The following PCDHGA6 variants were observed in gnomAD, a reference collection of about 807,000 sequenced individuals.
PCDHGA6 encodes protocadherin gamma subfamily A, 6, also known as protocadherin gamma-A6.
Under a neutral mutation model 60.6 loss-of-function variants are expected in PCDHGA6, and 41 were observed. The ratio of observed to expected loss-of-function variants is 0.68; its 90% CI spans 0.53 to 0.88. The LOEUF (loss-of-function observed/expected upper bound fraction) is 0.88. PCDHGA6 is among the 40% of genes least tolerant of loss of function. The pLI is 0.00. For synonymous variants in PCDHGA6, 594 were observed against 524.4 expected (o/e 1.13, Z -1.81); for missense variants, 1,312 against 1,203.0 (o/e 1.09, Z -1.34).
chr5:141,510,958 G>A lies in PCDHGA6; in HGVS notation c.2584G>A (p.Gly862Arg). 6.2e-7 allele frequency: 1 copy of A among 1,614,130 alleles called. No homozygotes were observed. Among genetic ancestry groups the A allele is most frequent in the Non-Finnish European group, 8.5e-7 (1 of 1,180,012 alleles). The change falls in exon 4 of 4, where the codon GGG becomes AGG. Residue 862 changes from glycine to arginine, a missense_variant. Transcript: ENST00000517434. The stretch of plus-strand genomic sequence containing the variant: ...CTCTGTCTCTGCAGAAGCTGCTGAT[G>A]GGAGCTCCACCCTGGGAGGGGGTGC... ...ILASASEAAD[G>R]SSTLGGGAGT...
At chr5:141,385,499 A>G in intron 1 of PCDHGA6, 1 of 1,381,812 alleles carries the variant, frequency 7.2e-7, no homozygotes, top group Non-Finnish European at 9.4e-7. Context: ...AGGATATAGT[A>G]TTTCTTTAGT....
chr5:141,417,634 G>A, intron 1 of PCDHGA6: 1 of 721,778 alleles, frequency 1.4e-6, no homozygotes, highest in Non-Finnish European at 2.1e-6. Context: ...GCTGACGCCG[G>A]GGATCCCTCA....
intron 1 of PCDHGA6, chr5:141,377,207 A>G (rs1170353646): frequency 6.6e-6 from 1 of 152,122 alleles, no homozygotes; most frequent in Non-Finnish European, 1.5e-5. Context: ...GATTGAGTAC[A>G]TCTCGTTTCT....
At chr5:141,406,346 G>T (rs1296474677) in intron 1 of PCDHGA6, among the ~76,000 whole-genome samples, 2 of 152,092 alleles carry the variant, frequency 1.3e-5, no homozygotes, top group Non-Finnish European at 2.9e-5. Flanking sequence ...ATTTATTCAG[G>T]TCATACTATG....
intron 1 of PCDHGA6, among the ~76,000 whole-genome samples, chr5:141,397,239 G>A (rs563338293): frequency 1.8e-4 from 27 of 152,262 alleles, no homozygotes; most frequent in Non-Finnish European, 3.4e-4. Flanking sequence ...GAAGAGCAAC[G>A]TAGTAGGGTA....
At chr5:141,410,767 G>T in intron 1 of PCDHGA6, 6 of 942,270 alleles carry the variant, frequency 6.4e-6, no homozygotes, top group South Asian at 2.2e-5. Context: ...TTCAATTATA[G>T]TTTTCACTAT....
In PCDHGA6 at chr5:141,410,593, G is replaced by C. The variant is rs921521742; in HGVS notation, c.2424+34086G>C. ...TTCCACCTCATGGTGGGGAGGATTT[G>C]ACTTCACATCCTGAGACTCTGACTT... On this transcript the variant is annotated intron_variant, in intron 1 of 3. Coordinates refer to ENST00000517434, the MANE Select transcript of PCDHGA6 (RefSeq NM_018919.3). The C allele has an allele frequency of 2.5e-6, 4 of 1,608,934 alleles. No individual in the cohort carries two copies. In the African/African-American group the frequency reaches 5.3e-5, roughly 21 times the overall value.
rs376494807 is a variant in PCDHGA6 at position 141,491,836 on chromosome 5, G to A, written c.2425-2971G>A. 4.2e-5 allele frequency: 62 copies of A among 1,472,880 alleles called. No homozygotes were observed. The highest frequency in any genetic ancestry group is 3.6e-4 in the Middle Eastern group (2 of 5,606). 91.2% of individuals were successfully genotyped at this position (1,472,880 alleles called of 1,614,324 possible). A position where few individuals can be genotyped will look rare whatever the true frequency, so the allele number is the denominator to read the frequency against. On this transcript the variant is annotated intron_variant, in intron 1 of 3. Coordinates refer to ENST00000517434, the MANE Select transcript of PCDHGA6 (RefSeq NM_018919.3). This position sits in a 1 kb window ranked among gnomAD's most constrained non-coding sequence, Gnocchi z 6.9. ...CTGGCTGCGCTCCACCCGATTCTCG[G>A]GATCATTGGACCGTTTGCGCGAAAC...
At chr5:141,453,932 C>T (rs57919166) in intron 1 of PCDHGA6, among the ~76,000 whole-genome samples, 2 of 152,296 alleles carry the variant, frequency 1.3e-5, no homozygotes, top group African/African-American at 4.8e-5. Context: ...TCACTGTGTG[C>T]CTATAATTTA....
At chr5:141,393,715 T>C in intron 1 of PCDHGA6, 1 of 1,613,746 alleles carries the variant, frequency 6.2e-7, no homozygotes, top group South Asian at 1.1e-5. Flanking sequence ...ACTGGGGAAA[T>C]ATCAATAGCA....
Position 141,403,164 on chromosome 5 carries a change from G to A in PCDHGA6, c.2424+26657G>A, listed in dbSNP as rs11575960. The A allele has an allele frequency of 4.9e-3, 7,986 of 1,614,050 alleles. 45 individuals are homozygous for A. Among genetic ancestry groups the A allele is most frequent in the Admixed American group, 9.4e-3 (567 of 60,028 alleles). The stretch of plus-strand genomic sequence containing the variant: ...CGAGTCCGCATCGTCTCTAGAGGTA[G>A]GACGCAGCTTTTCTCTCTGAACCCG... On this transcript the variant is annotated intron_variant, in intron 1 of 3. Coordinates refer to ENST00000517434, the MANE Select transcript of PCDHGA6 (RefSeq NM_018919.3).
At chr5:141,388,858 T>C (rs1217000654) in intron 1 of PCDHGA6, 1 of 1,613,984 alleles carries the variant, frequency 6.2e-7, no homozygotes, top group Non-Finnish European at 8.5e-7. Context: ...GGTGGAGGAA[T>C]GATTGCGCAA....
At chr5:141,464,400 G>GAGATATATATATATCTATATATAT (rs2099082782) in intron 1 of PCDHGA6, among the ~76,000 whole-genome samples, 3 of 151,366 alleles carry the variant, frequency 2.0e-5, no homozygotes, top group African/African-American at 4.9e-5. Context: ...TGAAGAACCT[G>GAGATATATATATATCTATATATAT]AGATATATAT....
chr5:141,458,059 T>G (rs533147047), intron 1 of PCDHGA6, among the ~76,000 whole-genome samples: 39 of 152,358 alleles, frequency 2.6e-4, no homozygotes, highest in African/African-American at 8.9e-4. Context: ...CTTGCTGCAC[T>G]GATGCGAACA....
chr5:141,430,910 G>A lies in PCDHGA6; in HGVS notation c.2424+54403G>A. The A allele has an allele frequency of 6.2e-7, 1 of 1,608,040 alleles. No homozygotes were observed. The highest frequency in any genetic ancestry group is 8.5e-7 in the Non-Finnish European group (1 of 1,177,584). On this transcript the variant is annotated intron_variant, in intron 1 of 3. Coordinates refer to ENST00000517434, the MANE Select transcript of PCDHGA6 (RefSeq NM_018919.3). ...CTCTAGGGTGGGCGACATCTCCAGG[G>A]ACCTGGGGCTGGAGCCCCGGGAGCT...
rs1356739313 is a variant in PCDHGA6, at chr5:141,490,444, A to T, written c.2425-4363A>T. The T allele has an allele frequency of 6.2e-7, 1 of 1,614,194 alleles. No individual in the cohort carries two copies. Among genetic ancestry groups the T allele is most frequent in the Non-Finnish European group, 8.5e-7 (1 of 1,180,034 alleles). On this transcript the variant is annotated intron_variant, in intron 1 of 3. Transcript: ENST00000517434. The surrounding 1 kb of genome is among the most constrained non-coding windows in gnomAD (Gnocchi z 5.4). ...GCCATTTCAGATTAAGCCTTCTGAG[A>T]ACCACTACTCGCTGCTAACCAGCCA...
In PCDHGA6 at chr5:141,487,472, G is replaced by A. The variant is rs2099645737; in HGVS notation, c.2425-7335G>A. The A allele has an allele frequency of 2.5e-6, 4 of 1,614,178 alleles. No individual in the cohort carries two copies. Among genetic ancestry groups the A allele is most frequent in the Non-Finnish European group, 3.4e-6 (4 of 1,180,036 alleles). Reference sequence around the variant, plus strand: ...CCCTATCAAGTTTGTTGATGTGGGAGGCCACTCTCATGGCTGTACACCCTT... The same window carrying A: ...CCCTATCAAGTTTGTTGATGTGGGAAGCCACTCTCATGGCTGTACACCCTT... On this transcript the variant is annotated intron_variant, in intron 1 of 3. Coordinates refer to ENST00000517434, the MANE Select transcript of PCDHGA6 (RefSeq NM_018919.3). This position sits in a 1 kb window ranked among gnomAD's most constrained non-coding sequence, Gnocchi z 5.0.
chr5:141,432,362 C>T lies in PCDHGA6; in HGVS notation c.2424+55855C>T. On this transcript the variant is annotated intron_variant, in intron 1 of 3. Transcript: ENST00000517434. The surrounding 1 kb of genome is among the most constrained non-coding windows in gnomAD (Gnocchi z 6.0). ...AGACTTGCAAGTGAAAGTGATGGCG[C>T]GGGACAACGGGCACCCGCCCCTCAG... 2 of 1,614,218 alleles carry T rather than the reference C, an allele frequency of 1.2e-6. No homozygotes were observed. Among genetic ancestry groups the T allele is most frequent in the South Asian group, 2.2e-5 (2 of 91,082 alleles).
intron 1 of PCDHGA6, chr5:141,383,044 GC>G: frequency 1.2e-6 from 2 of 1,613,878 alleles, no homozygotes; most frequent in Non-Finnish European, 8.5e-7. Context: ...GGGAGACATC[GC>G]CAAGGACCTG....
Sources: allele counts gnomAD v4.1 joint callset (sites outside exome capture counted in the v4.1 genomes callset), GRCh38; gene constraint gnomAD v4.1.1; non-coding constraint Gnocchi (gnomAD v3.1); transcripts MANE v1.5; gene names NCBI Gene and HGNC (gene_info 2026-07-23, HGNC 2026-07-21).